The following PHKA1 variants were observed in gnomAD, a reference collection of about 807,000 sequenced individuals.
PHKA1 encodes phosphorylase b kinase regulatory subunit alpha, skeletal muscle isoform.
In PHKA1, 60 loss-of-function variants were observed where a neutral mutation model predicts 110.2. The ratio of observed to expected loss-of-function variants is 0.54; its 90% confidence interval spans 0.44 to 0.68. The LOEUF (loss-of-function observed/expected upper bound fraction) is 0.68, where lower values mean the gene tolerates loss of function less well. PHKA1 is among the 30% of genes least tolerant of loss of function. PHKA1 has a pLI of 0.00. For synonymous variants in PHKA1, 316 were observed against 333.6 expected (o/e 0.95, Z 0.58); for missense variants, 801 against 942.5 (o/e 0.85, Z 1.97).
chrX:72,702,456 C>T (rs1420393078), intron 3 of PHKA1, among the ~76,000 whole-genome samples: 1 of 111,629 alleles, frequency 9.0e-6, no homozygotes, highest in Non-Finnish European at 1.9e-5. Context: ...TCTCAAAAAA[C>T]AACAGTAACC....
intron 18 of PHKA1, 142 bp downstream of exon 18, chrX:72,622,967 A>C: frequency 9.0e-7 from 1 of 1,110,971 alleles, no homozygotes; most frequent in Non-Finnish European, 1.2e-6. Flanking sequence ...GAGGGAGGAA[A>C]AGTAAAGCCA....
Position 72,605,524 on chromosome X carries a change from T to C in PHKA1, c.2685+17A>G. On this transcript the variant is annotated intron_variant, in intron 24 of 31. Coordinates refer to ENST00000373542, the MANE Select transcript of PHKA1 (RefSeq NM_002637.4). ...TAAAATATCAGTCACCAGATTAGCCTTTACAATTCTTCTCACCTGTGTAAG... is the reference window on the plus strand; with the variant it reads ...TAAAATATCAGTCACCAGATTAGCCCTTACAATTCTTCTCACCTGTGTAAG... 1 of 1,186,299 alleles carries C rather than the reference T, an allele frequency of 8.4e-7. No homozygotes were observed. Among genetic ancestry groups the C allele is most frequent in the Non-Finnish European group, 1.1e-6 (1 of 872,281 alleles).
At chrX:72,659,542 CACAT>C (rs1556303159) in intron 8 of PHKA1, among the ~76,000 whole-genome samples, 5 of 111,583 alleles carry the variant, frequency 4.5e-5, no homozygotes, top group African/African-American at 1.6e-4. Context: ...CAGACACACA[CACAT>C]ACACACTTCA....
At chrX:72,629,042 C>A (rs782315101) in intron 16 of PHKA1, among the ~76,000 whole-genome samples, 1 of 111,713 alleles carries the variant, frequency 9.0e-6, no homozygotes, top group African/African-American at 3.2e-5. Flanking sequence ...GAAATTCTAT[C>A]TTCATCATTG....
Position 72,640,947 on chromosome X carries a change from A to G in PHKA1, c.1459+3415T>C, listed in dbSNP as rs782755805. On this transcript the variant is annotated intron_variant, in intron 14 of 31. Transcript: ENST00000373542. ...CACTGATAAAAGCTTACCATAAAAT[A>G]TAAATAATTGATAAATATATACAGA... is the stretch of plus-strand genomic sequence containing the variant. Among the ~76,000 whole-genome samples, 6 of 111,769 alleles carry G rather than the reference A, an allele frequency of 5.4e-5. 1 individual carries two copies. The highest frequency in any genetic ancestry group is 1.1e-4 in the Non-Finnish European group (6 of 53,037).
chrX:72,666,251 A>G lies in PHKA1; in HGVS notation c.764T>C (p.Val255Ala), dbSNP rs1216241416. 5.0e-6 allele frequency: 6 copies of G among 1,208,369 alleles called. No homozygotes were observed. Among genetic ancestry groups the G allele is most frequent in the African/African-American group, 3.5e-5 (2 of 57,135 alleles). ...AACCACTGAGAGTAGACTAGCATCAACCTCTTTTGATGTTGAAGCACGGGG... is the reference window on the plus strand; with the variant it reads ...AACCACTGAGAGTAGACTAGCATCAGCCTCTTTTGATGTTGAAGCACGGGG... ...LLPRASTSKE[V>A]DASLLSVVSF... is the part of the protein sequence containing the mutation. Residue 255 changes from valine (V) to alanine (A), a missense_variant, in exon 8 of 32, where the codon GTT (valine) becomes GCT (alanine). Physicochemically the swap from Val to Ala is moderately conservative, Grantham distance 64. Around this residue, in one of 2 missense-constraint regions of PHKA1, gnomAD observed 299 missense variants for 423.3 expected, o/e 0.71. Coordinates refer to ENST00000373542, the MANE Select transcript of PHKA1 (RefSeq NM_002637.4).
At chrX:72,713,722 G>A (rs1275099258) in intron 1 of PHKA1, 81 bp downstream of exon 1, 1 of 734,937 alleles carries the variant, frequency 1.4e-6, no homozygotes, top group East Asian at 3.3e-5. Context: ...ACGCACGCAC[G>A]GAGTTCATCC....
rs782528591 is a variant in PHKA1, at chrX:72,605,331, G to A, written c.2755C>T (p.Arg919Ter). The A allele has an allele frequency of 8.3e-6, 10 of 1,203,505 alleles. No homozygotes were observed. Among genetic ancestry groups the A allele is most frequent in the Admixed American group, 4.4e-5 (2 of 45,683 alleles). The change falls in exon 25 of 32, where the codon CGA (arginine) becomes TGA (stop). Residue 919 changes from arginine to a stop codon, truncating the protein, a stop_gained. Coordinates refer to ENST00000373542, the MANE Select transcript of PHKA1 (RefSeq NM_002637.4). LOFTEE classifies it high-confidence loss of function. ...ATAACTTGTATGATCAGACCAATTC[G>A]AAGTCGAAACATTTCAGCAAAGAGG... ...PGLFAEMFRLRIGLIIQVMAT... is the reference protein window; with the variant it reads ...PGLFAEMFRL
chrX:72,643,747 C>A (rs1441763709), intron 14 of PHKA1, among the ~76,000 whole-genome samples: 4 of 111,351 alleles, frequency 3.6e-5, no homozygotes, highest in Non-Finnish European at 7.6e-5. Context: ...CAAATGAGTC[C>A]ATTTGGCCAT....
Position 72,653,495 on chromosome X carries a change from G to A in PHKA1, c.1077C>T (p.Leu359=). Reference sequence around the variant, plus strand: ...GTGGGACTCCATTTTTGCCCTTGATGAGGACTGCTTCAAGAGCCTCTTTAT... The same window carrying A: ...GTGGGACTCCATTTTTGCCCTTGATAAGGACTGCTTCAAGAGCCTCTTTAT... ...QEYKEALEAV[L]IKGKNGVPLL... is the part of the protein sequence containing the mutation. The change falls in exon 11 of 32, where the codon CTC becomes CTT. Residue 359 remains leucine, a synonymous_variant. Transcript: ENST00000373542. 8.3e-7 allele frequency: 1 copy of A among 1,204,491 alleles called. No individual in the cohort carries two copies. Among genetic ancestry groups the A allele is most frequent in the Non-Finnish European group, 1.1e-6 (1 of 889,486 alleles).
intron 18 of PHKA1, chrX:72,621,892 T>C: frequency 1.3e-6 from 1 of 752,781 alleles, no homozygotes; most frequent in South Asian, 6.8e-5. Flanking sequence ...ACTAGGAAAG[T>C]GACTCAGAAT....
At chrX:72,691,311 C>A (rs782075866) in intron 4 of PHKA1, among the ~76,000 whole-genome samples, 1 of 112,398 alleles carries the variant, frequency 8.9e-6, no homozygotes, top group Non-Finnish European at 1.9e-5. Flanking sequence ...ATTAATATAG[C>A]TTTGTAGTAA....
rs782520666 is a variant in PHKA1, at chrX:72,618,153, G to A, written c.2369+557C>T. Among the ~76,000 whole-genome samples, 223 of 111,705 alleles carry A rather than the reference G, an allele frequency of 2.0e-3. 3 individuals are homozygous for A. Among genetic ancestry groups the A allele is most frequent in the Non-Finnish European group, 3.4e-3 (183 of 53,057 alleles). On this transcript the variant is annotated intron_variant, in intron 21 of 31. Coordinates refer to ENST00000373542, the MANE Select transcript of PHKA1 (RefSeq NM_002637.4). ...CTCAACATCCAAACCAAATTTAGGG[G>A]AAGAAAGTCCATCCTGCCTCTTCAT... is the stretch of plus-strand genomic sequence containing the variant.
At chrX:72,628,204 T>C (rs1482424879) in intron 16 of PHKA1, among the ~76,000 whole-genome samples, 18 of 111,009 alleles carry the variant, frequency 1.6e-4, no homozygotes, top group African/African-American at 5.9e-4. Flanking sequence ...CAAGAAGATA[T>C]TGTTTTAATT....
chrX:72,641,236 T>G (rs1038662306), intron 14 of PHKA1, among the ~76,000 whole-genome samples: 4 of 111,863 alleles, frequency 3.6e-5, no homozygotes, highest in Admixed American at 1.9e-4. Flanking sequence ...TCTGGCAACA[T>G]GTAACAAGAG....
chrX:72,706,941 C>G (rs142030545), intron 2 of PHKA1, among the ~76,000 whole-genome samples: 1,261 of 111,140 alleles, frequency 0.011, 17 homozygotes, highest in African/African-American at 0.04. Context: ...TAGGAAGTAT[C>G]GGGAGGTAGG....
intron 3 of PHKA1, among the ~76,000 whole-genome samples, chrX:72,696,988 G>A (rs1367665601): frequency 2.7e-5 from 3 of 111,581 alleles, no homozygotes; most frequent in African/African-American, 9.8e-5. Flanking sequence ...GAGATCTAAA[G>A]CTTATTTTGC....
At chrX:72,629,679 C>A (rs1377847737) in intron 16 of PHKA1, among the ~76,000 whole-genome samples, 1 of 111,432 alleles carries the variant, frequency 9.0e-6, no homozygotes, top group African/African-American at 3.3e-5. Flanking sequence ...TTATTGTTTT[C>A]TATTTGTACC....
At position 72,611,194 on chromosome X, in the gene PHKA1, T is replaced by C. The variant is rs1168371583; in HGVS notation, c.2370-10A>G. 1 of 1,183,431 alleles carries C rather than the reference T, an allele frequency of 8.5e-7. No individual in the cohort carries two copies. The highest frequency in any genetic ancestry group is 2.2e-5 in the Admixed American group (1 of 45,533). The stretch of plus-strand genomic sequence containing the variant: ...GTTCCAGTCAGGTCCTCTAGAATTT[T>C]AACGACAGGACTACATCAGTTTTAA... On this transcript the variant is annotated splice_polypyrimidine_tract_variant and intron_variant, in intron 21 of 31. Coordinates refer to ENST00000373542, the MANE Select transcript of PHKA1 (RefSeq NM_002637.4).
Sources: gnomAD v4.1 joint callset for allele counts (sites outside exome capture counted in the v4.1 genomes callset) on GRCh38, gnomAD v4.1.1 for gene constraint, gnomAD v4.1.1 regional missense constraint, MANE v1.5 for transcripts, NCBI Gene and HGNC (gene_info 2026-07-23, HGNC 2026-07-21) for gene names.